Variants in CHSY3 observed in about 807,000 individuals in gnomAD.
CHSY3 encodes N-acetylgalactosaminyl-proteoglycan 3-beta-glucuronosyltransferase 3.
Under a neutral mutation model 67.2 loss-of-function variants are expected in CHSY3, and 35 were observed. The ratio of observed to expected loss-of-function variants is 0.52; its 90% CI spans 0.40 to 0.69. CHSY3 has a LOEUF of 0.69. Ranked by LOEUF, CHSY3 falls within the 30% of genes least tolerant of loss-of-function variation. The probability of loss-of-function intolerance (pLI) is 0.00; values close to 1 mark genes in which losing one functional copy is unlikely to be tolerated. For missense variants in CHSY3, 1,069 were observed against 1,138.5 expected, an observed-to-expected ratio of 0.94 and a Z score of 0.88; for synonymous variants, 474 against 434.7, an observed-to-expected ratio of 1.09 and a Z score of -1.12.
Position 130,050,799 on chromosome 5 carries a change from G to A in CHSY3, c.1087-133430G>A, listed in dbSNP as rs140717221. The stretch of plus-strand genomic sequence containing the variant: ...ATATGAGTCAGCTAGACTCAGCAAG[G>A]TTTGAGGAAAACCAGCCAGCAGAAT... On this transcript the variant is annotated intron_variant, in intron 2 of 2. Coordinates refer to ENST00000305031, the MANE Select transcript of CHSY3 (RefSeq NM_175856.5). 8.9e-3 allele frequency among the ~76,000 whole-genome samples: 1,352 copies of A among 152,098 alleles called. 11 individuals carry two copies. Among genetic ancestry groups the A allele is most frequent in the Non-Finnish European group, 0.012 (794 of 67,990 alleles).
At chr5:129,912,660 T>G (rs1418858314) in intron 2 of CHSY3, among the ~76,000 whole-genome samples, 1 of 152,184 alleles carries the variant, frequency 6.6e-6, no homozygotes, top group Non-Finnish European at 1.5e-5. Context: ...AATGTGCTCA[T>G]ATAGGCCAAT....
chr5:130,050,468 C>A (rs545566240), intron 2 of CHSY3, among the ~76,000 whole-genome samples: 63 of 152,130 alleles, frequency 4.1e-4, no homozygotes, highest in African/African-American at 1.1e-3. Context: ...TGGTTTTGAC[C>A]AGCTGCTCTT....
intron 2 of CHSY3, among the ~76,000 whole-genome samples, chr5:130,121,934 G>T (rs1007150520): frequency 6.6e-6 from 1 of 151,958 alleles, no homozygotes; most frequent in East Asian, 1.9e-4. Context: ...GGACATGTCC[G>T]TCTGGGCTCA....
At chr5:130,049,806 C>T (rs1013521819) in intron 2 of CHSY3, among the ~76,000 whole-genome samples, 4 of 150,024 alleles carry the variant, frequency 2.7e-5, no homozygotes, top group African/African-American at 7.4e-5. Flanking sequence ...TCAATAACCA[C>T]GCCTCTTCTT....
At chr5:129,967,371 G>GTA (rs1451047476) in intron 2 of CHSY3, among the ~76,000 whole-genome samples, 4 of 151,780 alleles carry the variant, frequency 2.6e-5, no homozygotes, top group East Asian at 1.9e-4. Flanking sequence ...TTAGATATGT[G>GTA]TATATATATG....
chr5:129,974,984 C>A (rs1376627473), intron 2 of CHSY3: 6 of 151,974 alleles, frequency 3.9e-5, no homozygotes, highest in African/African-American at 1.2e-4. Context: ...GGACAAAAAC[C>A]CAAACACCGC....
intron 2 of CHSY3, among the ~76,000 whole-genome samples, chr5:130,172,676 T>G (rs1373152362): frequency 6.6e-6 from 1 of 152,194 alleles, no homozygotes; most frequent in East Asian, 1.9e-4. Context: ...ATCAGCTATA[T>G]TAATGTGCTA....
At chr5:130,158,839 G>A (rs1375258249) in intron 2 of CHSY3, among the ~76,000 whole-genome samples, 1 of 152,056 alleles carries the variant, frequency 6.6e-6, no homozygotes, top group Non-Finnish European at 1.5e-5. Flanking sequence ...TCCATCTGTT[G>A]GCCAAGCTGG....
At chr5:130,036,801 G>A (rs925765699) in intron 2 of CHSY3, among the ~76,000 whole-genome samples, 1 of 152,106 alleles carries the variant, frequency 6.6e-6, no homozygotes, top group Non-Finnish European at 1.5e-5. Flanking sequence ...GGCTGTGGGT[G>A]GGTGTTTGTG....
intron 2 of CHSY3, among the ~76,000 whole-genome samples, chr5:130,065,473 G>A (rs1765854999): frequency 6.6e-6 from 1 of 151,988 alleles, no homozygotes; most frequent in South Asian, 2.1e-4. Flanking sequence ...AGAAAATGAG[G>A]TTGCTTCTCG....
intron 2 of CHSY3, among the ~76,000 whole-genome samples, chr5:130,041,318 C>T (rs1412257841): frequency 6.6e-6 from 1 of 152,132 alleles, no homozygotes; most frequent in Non-Finnish European, 1.5e-5. Flanking sequence ...CCACATTCTC[C>T]TGCAATGGTT....
chr5:130,174,613 AAAC>A (rs1769989455), intron 2 of CHSY3, among the ~76,000 whole-genome samples: 1 of 152,162 alleles, frequency 6.6e-6, no homozygotes, highest in South Asian at 2.1e-4. Flanking sequence ...AATAATATAA[AAAC>A]AAATTTCAAC....
chr5:130,056,918 CTTTTTTTTTTTTT>C (rs58326964), intron 2 of CHSY3, among the ~76,000 whole-genome samples: 4 of 56,112 alleles, frequency 7.1e-5, no homozygotes, highest in South Asian at 1.0e-3. Context: ...GCATTTCTTT[CTTTTTTTTTTTTT>C]TTTTTTTTTT....
At chr5:129,993,647 G>A (rs911757393) in intron 2 of CHSY3, among the ~76,000 whole-genome samples, 34 of 152,066 alleles carry the variant, frequency 2.2e-4, no homozygotes, top group Non-Finnish European at 4.1e-4. Flanking sequence ...ACACGGATGG[G>A]TCTTGACTCT....
chr5:130,096,675 T>A (rs56683568), intron 2 of CHSY3, among the ~76,000 whole-genome samples: 23 of 152,314 alleles, frequency 1.5e-4, no homozygotes, highest in African/African-American at 5.5e-4. Context: ...CTTTTCTAAG[T>A]ATGACGTAAG....
At chr5:130,094,074 G>A (rs1766968653) in intron 2 of CHSY3, among the ~76,000 whole-genome samples, 2 of 152,078 alleles carry the variant, frequency 1.3e-5, no homozygotes, top group South Asian at 4.1e-4. Context: ...CAGTAAAGGG[G>A]CTCGGTAGGG....
chr5:129,966,294 G>A (rs1422612193), intron 2 of CHSY3, among the ~76,000 whole-genome samples: 1 of 151,792 alleles, frequency 6.6e-6, no homozygotes. Context: ...TAAGTGATTG[G>A]CAAGTGAAAA....
chr5:130,018,958 C>T (rs986507558), intron 2 of CHSY3, among the ~76,000 whole-genome samples: 2 of 152,092 alleles, frequency 1.3e-5, no homozygotes, highest in South Asian at 4.1e-4. Context: ...TGCCCGCTTC[C>T]CCTCGGACCA....
At chr5:130,122,696 C>A (rs1768083359) in intron 2 of CHSY3, among the ~76,000 whole-genome samples, 1 of 152,006 alleles carries the variant, frequency 6.6e-6, no homozygotes, top group African/African-American at 2.4e-5. Context: ...TTGTTTTTTC[C>A]AGGTAAACGT....
Sources: gnomAD v4.1 joint callset for allele counts (sites outside exome capture counted in the v4.1 genomes callset) on GRCh38, gnomAD v4.1.1 for gene constraint, MANE v1.5 for transcripts, NCBI Gene and HGNC (gene_info 2026-07-23, HGNC 2026-07-21) for gene names.